COL10A1: variants seen among roughly 807,000 people sequenced by gnomAD.
The protein encoded by COL10A1 is collagen alpha-1(X) chain.
A neutral mutation model predicts 18.2 loss-of-function variants in COL10A1; 10 were observed. The observed-to-expected ratio is 0.55, with a 90% CI of 0.34 to 0.93. The LOEUF (loss-of-function observed/expected upper bound fraction) is 0.93. COL10A1 is among the 40% of genes least tolerant of loss of function. The pLI is 0.02. For synonymous variants in COL10A1, 330 were observed against 316.6 expected (o/e 1.04, Z -0.45); for missense variants, 897 against 853.5 (o/e 1.05, Z -0.64).
chr6:116,188,989 A>G, the COL10A1 span, among the ~76,000 whole-genome samples: 1 of 151,980 alleles, frequency 6.6e-6, no homozygotes, highest in African/African-American at 2.4e-5. Flanking sequence ...GCCCCACATT[A>G]GAACTTCACT....
At chr6:116,178,110 C>CGT in the COL10A1 span, among the ~76,000 whole-genome samples, 1,024 of 117,552 alleles carry the variant, frequency 8.7e-3, 14 homozygotes, top group South Asian at 0.012. Flanking sequence ...CGCGTGCGTG[C>CGT]GTGTGTGTGT....
the COL10A1 span, among the ~76,000 whole-genome samples, chr6:116,212,221 A>G: frequency 5.5e-5 from 8 of 145,026 alleles, no homozygotes; most frequent in African/African-American, 2.0e-4. Flanking sequence ...TTCTTTTGTT[A>G]TCATGGAGTA....
At chr6:116,156,185 A>G (rs1481127698) in intron 1 of COL10A1, among the ~76,000 whole-genome samples, 1 of 152,158 alleles carries the variant, frequency 6.6e-6, no homozygotes, top group Non-Finnish European at 1.5e-5. Flanking sequence ...AGGAATAAGT[A>G]AAATATTTGC....
the COL10A1 span, among the ~76,000 whole-genome samples, chr6:116,178,603 A>G: frequency 6.6e-6 from 1 of 152,196 alleles, no homozygotes; most frequent in Non-Finnish European, 1.5e-5. Flanking sequence ...CCCACCTTTT[A>G]CTCTGAAGAA....
intron 1 of COL10A1, among the ~76,000 whole-genome samples, chr6:116,149,668 A>AAAAGGC (rs1263425868): frequency 6.6e-6 from 1 of 152,220 alleles, no homozygotes; most frequent in Non-Finnish European, 1.5e-5. Context: ...CACTGAATTA[A>AAAAGGC]AAAGGCAATA....
At chr6:116,201,896 C>A in the COL10A1 span, among the ~76,000 whole-genome samples, 1 of 151,890 alleles carries the variant, frequency 6.6e-6, no homozygotes, top group Non-Finnish European at 1.5e-5. Context: ...TATTTGGATC[C>A]AAATGCCACA....
chr6:116,130,878 G>GA (rs990528782), upstream of COL10A1, among the ~76,000 whole-genome samples: 3 of 151,414 alleles, frequency 2.0e-5, no homozygotes, highest in African/African-American at 7.3e-5. Context: ...CCAGAATATT[G>GA]AAAAAAAATA....
At chr6:116,175,955 CTTGT>C in the COL10A1 span, among the ~76,000 whole-genome samples, 83 of 152,070 alleles carry the variant, frequency 5.5e-4, no homozygotes, top group African/African-American at 1.9e-3. Flanking sequence ...TTGGGGGCTT[CTTGT>C]TTGTTTGTTT....
chr6:116,185,062 C>A, the COL10A1 span, among the ~76,000 whole-genome samples: 1 of 151,976 alleles, frequency 6.6e-6, no homozygotes, highest in Non-Finnish European at 1.5e-5. Context: ...TAGGTTGTGT[C>A]ACTATTATCA....
At chr6:116,131,875 T>A (rs1265619504) in intron 1 of COL10A1, among the ~76,000 whole-genome samples, 1 of 152,162 alleles carries the variant, frequency 6.6e-6, no homozygotes, top group Non-Finnish European at 1.5e-5. Flanking sequence ...TCTCTATGTG[T>A]CCATGGTTTC....
chr6:116,195,012 C>T, the COL10A1 span, among the ~76,000 whole-genome samples: 1 of 152,034 alleles, frequency 6.6e-6, no homozygotes, highest in Non-Finnish European at 1.5e-5. Flanking sequence ...TCACCTTCAC[C>T]TTCCTGCCAT....
At chr6:116,135,836 TA>T (rs1244090780) in intron 1 of COL10A1, among the ~76,000 whole-genome samples, 1 of 37,628 alleles carries the variant, frequency 2.7e-5, no homozygotes, top group Non-Finnish European at 4.5e-5. Flanking sequence ...TATTTTCAGA[TA>T]TATATATATA....
intron 2 of COL10A1, among the ~76,000 whole-genome samples, chr6:116,122,420 G>A (rs1427121199): frequency 6.6e-6 from 1 of 152,322 alleles, no homozygotes; most frequent in South Asian, 2.1e-4. Flanking sequence ...CATCTGCCAT[G>A]CCTCTGCTGA....
At position 116,119,311 on chromosome 6, in the gene COL10A1, C is replaced by T. The variant is rs1779034490; in HGVS notation, c.*762G>A. 6.6e-6 allele frequency: 1 copy of T among 152,478 alleles called. No homozygotes were observed. The highest frequency in any genetic ancestry group is 1.5e-5 in the Non-Finnish European group (1 of 68,032). 9.4% of individuals were successfully genotyped at this position (152,478 alleles called of 1,614,324 possible). A position where few individuals can be genotyped will look rare whatever the true frequency, so the allele number is the denominator to read the frequency against. The stretch of plus-strand genomic sequence containing the variant: ...AATTAAAGAAATCAAATTAATCACA[C>T]TTGTGTTAACTAAATAAGAATAGGT... On this transcript the variant is annotated 3_prime_UTR_variant, in exon 3 of 3. Transcript: ENST00000651968.
chr6:116,167,823 A>G, the COL10A1 span, among the ~76,000 whole-genome samples: 1 of 152,160 alleles, frequency 6.6e-6, no homozygotes, highest in Non-Finnish European at 1.5e-5. Flanking sequence ...GAAGTGTAAC[A>G]TTAGAGCTAA....
rs1385314115 is a variant in COL10A1, at chr6:116,119,932, G to T, written c.*141C>A. The T allele has an allele frequency of 1.2e-6, 1 of 806,064 alleles. No homozygotes were observed. Among genetic ancestry groups the T allele is most frequent in the East Asian group, 2.5e-5 (1 of 40,672 alleles). The allele number at this position is 806,064 out of a possible 1,614,324, so 49.9% of individuals were successfully genotyped here. On this transcript the variant is annotated 3_prime_UTR_variant, in exon 3 of 3. Coordinates refer to ENST00000651968, the MANE Select transcript of COL10A1 (RefSeq NM_000493.4). ...TGCTCACTTTTCAGGGGGAAGGTTT[G>T]TTGGTCTGATAGCTCAAATCTGTAT...
At chr6:116,207,657 C>T in the COL10A1 span, among the ~76,000 whole-genome samples, 1 of 151,490 alleles carries the variant, frequency 6.6e-6, no homozygotes, top group African/African-American at 2.4e-5. Flanking sequence ...AAAATAAGAC[C>T]AAAGAAGAAA....
chr6:116,187,011 C>T, the COL10A1 span, among the ~76,000 whole-genome samples: 5 of 151,960 alleles, frequency 3.3e-5, no homozygotes, highest in East Asian at 1.9e-4. Context: ...ATGGTAGATC[C>T]GGGACTCAAG....
At chr6:116,133,481 A>G (rs934334282) in intron 1 of COL10A1, among the ~76,000 whole-genome samples, 2 of 152,222 alleles carry the variant, frequency 1.3e-5, no homozygotes, top group Non-Finnish European at 2.9e-5. Flanking sequence ...AAGTACTTGT[A>G]GGGTACACGA....
Sources: allele counts gnomAD v4.1 joint callset (sites outside exome capture counted in the v4.1 genomes callset), GRCh38; gene constraint gnomAD v4.1.1; transcripts MANE v1.5; gene names NCBI Gene and HGNC (gene_info 2026-07-23, HGNC 2026-07-21).